The following PPP1R1C variants were observed in gnomAD, a reference collection of about 807,000 sequenced individuals.
PPP1R1C encodes protein phosphatase 1 regulatory inhibitor subunit 1C, also known as protein phosphatase 1 regulatory subunit 1C.
Under a neutral mutation model 17.4 loss-of-function variants are expected in PPP1R1C, and 15 were observed. That is an observed-to-expected ratio of 0.86 (90% CI 0.58 to 1.33). The LOEUF is 1.33. Among genes scored for constraint, PPP1R1C ranks in the 40% most tolerant of loss-of-function variants. The pLI, the probability that PPP1R1C is intolerant of heterozygous loss-of-function variation, is 0.00. For missense variants in PPP1R1C, 143 were observed against 130.0 expected (o/e 1.10, Z -0.48); for synonymous variants, 35 against 43.1 (o/e 0.81, Z 0.73).
chr2:181,995,928 G>A (rs1685600209), intron 2 of PPP1R1C, among the ~76,000 whole-genome samples: 1 of 152,100 alleles, frequency 6.6e-6, no homozygotes, highest in Non-Finnish European at 1.5e-5. Flanking sequence ...AATGCCCCGG[G>A]ACCTGGGCAG....
downstream of PPP1R1C, among the ~76,000 whole-genome samples, chr2:182,121,159 C>T (rs1007171093): frequency 6.6e-6 from 1 of 152,070 alleles, no homozygotes; most frequent in Non-Finnish European, 1.5e-5. Context: ...TTTCCCAGAC[C>T]ACATTTATAA....
At chr2:181,963,889 A>G (rs906240446) in intron 1 of PPP1R1C, among the ~76,000 whole-genome samples, 15 of 152,156 alleles carry the variant, frequency 9.9e-5, no homozygotes, top group African/African-American at 3.6e-4. Context: ...CAGGCATACA[A>G]TGCATAATAA....
rs372316816 is a variant in PPP1R1C at position 181,961,350 on chromosome 2, G to A, written n.111+6716G>A. Reference sequence around the variant, plus strand: ...CATCAAGCAGGCGGTGGTAGGTGGCGCTCTCAGCCTCCAGCTTGACCTTGA... The same window carrying A: ...CATCAAGCAGGCGGTGGTAGGTGGCACTCTCAGCCTCCAGCTTGACCTTGA... On this transcript the variant is annotated intron_variant and non_coding_transcript_variant, in intron 1 of 5. Transcript: ENST00000464264. This position sits in a 1 kb window ranked among gnomAD's most constrained non-coding sequence, Gnocchi z 5.8. 5.9e-5 allele frequency: 42 copies of A among 716,476 alleles called. No individual in the cohort carries two copies. The Middle Eastern group carries it at 1.1e-3, about 19-fold the overall frequency. The allele number at this position is 716,476 out of a possible 1,614,324, so 44.4% of individuals were successfully genotyped here.
At chr2:182,030,462 A>G (rs1223867543) in intron 2 of PPP1R1C, among the ~76,000 whole-genome samples, 35 of 150,364 alleles carry the variant, frequency 2.3e-4, no homozygotes, top group South Asian at 4.3e-4. Flanking sequence ...GTCTGTTGGA[A>G]TACCCTGCCG....
intron 2 of PPP1R1C, among the ~76,000 whole-genome samples, chr2:182,026,549 G>T (rs1358483514): frequency 6.7e-6 from 1 of 150,330 alleles, no homozygotes; most frequent in African/African-American, 2.4e-5. Context: ...TGAGGGCTGT[G>T]TTCTGTTCCA....
chr2:182,110,080 A>G (rs1251154614), intron 4 of PPP1R1C, among the ~76,000 whole-genome samples: 1 of 151,420 alleles, frequency 6.6e-6, no homozygotes, highest in East Asian at 1.9e-4. Flanking sequence ...TCACAATAAT[A>G]CAGAGTATAC....
At chr2:182,010,925 G>A (rs541858639) in intron 2 of PPP1R1C, among the ~76,000 whole-genome samples, 9 of 152,004 alleles carry the variant, frequency 5.9e-5, no homozygotes, top group South Asian at 4.1e-4. Context: ...GTATCACATC[G>A]TTTGATTTGT....
At chr2:181,963,254 C>A (rs749330242) in intron 1 of PPP1R1C, among the ~76,000 whole-genome samples, 15 of 152,102 alleles carry the variant, frequency 9.9e-5, no homozygotes, top group Non-Finnish European at 1.9e-4. Context: ...TTTAAAAGAT[C>A]CAAAATGTTT....
chr2:182,058,870 T>G (rs913333598), intron 2 of PPP1R1C, among the ~76,000 whole-genome samples: 3 of 152,294 alleles, frequency 2.0e-5, no homozygotes, highest in Admixed American at 2.0e-4. Context: ...TAGTTCACTT[T>G]TCCTTATTTT....
intron 2 of PPP1R1C, among the ~76,000 whole-genome samples, chr2:181,991,543 A>G (rs1299104485): frequency 6.6e-6 from 1 of 152,234 alleles, no homozygotes; most frequent in Non-Finnish European, 1.5e-5. Flanking sequence ...TTTAGGGTAG[A>G]AAAAGCAGAA....
Position 181,987,869 on chromosome 2 carries a change from C to G in PPP1R1C, c.112C>G (p.Leu38Val), listed in dbSNP as rs765422388. ...IRKRRPTPAS[L>V]VILNEHNPPE... ...GAAAAGAAGACCTACACCAGCATCA[C>G]TTGTGATTCTCAATGAGCATAACCC... Residue 38 changes from leucine to valine, a missense_variant, in exon 2 of 5, where the codon CTT becomes GTT. Leu to Val is a conservative substitution (Grantham distance 32). Coordinates refer to ENST00000682840, the MANE Select transcript of PPP1R1C (RefSeq NM_001080545.3). 6.2e-7 allele frequency: 1 copy of G among 1,613,288 alleles called. No homozygotes were observed. Among genetic ancestry groups the G allele is most frequent in the East Asian group, 2.2e-5 (1 of 44,870 alleles).
intron 4 of PPP1R1C, among the ~76,000 whole-genome samples, chr2:182,113,484 A>G (rs1689497829): frequency 6.6e-6 from 1 of 152,148 alleles, no homozygotes; most frequent in Admixed American, 6.6e-5. Flanking sequence ...ACTAGGCAGC[A>G]TGTTGCAGGA....
chr2:181,986,773 T>G (rs577966960), intron 1 of PPP1R1C, among the ~76,000 whole-genome samples: 1 of 152,280 alleles, frequency 6.6e-6, no homozygotes, highest in South Asian at 2.1e-4. Flanking sequence ...TTTCCTAGAT[T>G]CTTTGTCCAT....
Position 182,046,523 on chromosome 2 carries a change from C to T in PPP1R1C, c.143-14919C>T, listed in dbSNP as rs962284866. 5.3e-5 allele frequency among the ~76,000 whole-genome samples: 8 copies of T among 150,072 alleles called. No homozygotes were observed. In the South Asian group the frequency reaches 8.4e-4, roughly 16 times the overall value. On this transcript the variant is annotated intron_variant, in intron 2 of 4. Coordinates refer to ENST00000682840, the MANE Select transcript of PPP1R1C (RefSeq NM_001080545.3). ...CAGGCAGATCACAAGGTCAAGAGAT[C>T]GAGACCTTCCTGGCCAACATGGTGA...
At chr2:182,066,542 T>C (rs1687988281) in intron 4 of PPP1R1C, among the ~76,000 whole-genome samples, 1 of 152,116 alleles carries the variant, frequency 6.6e-6, no homozygotes, top group African/African-American at 2.4e-5. Flanking sequence ...AATAGACTTA[T>C]TATATCAGGG....
At chr2:181,983,257 G>A (rs1458731436), upstream of PPP1R1C, among the ~76,000 whole-genome samples, 1 of 152,118 alleles carries the variant, frequency 6.6e-6, no homozygotes, top group Admixed American at 6.5e-5. Context: ...AAATTGCCCG[G>A]GTTTGAAACT....
intron 1 of PPP1R1C, among the ~76,000 whole-genome samples, chr2:181,964,417 A>ATAAT (rs1684869173): frequency 6.6e-6 from 1 of 152,218 alleles, no homozygotes; most frequent in Non-Finnish European, 1.5e-5. Flanking sequence ...GAATAGTGCT[A>ATAAT]CAATAAACAT....
chr2:181,983,147 C>T (rs890086778), upstream of PPP1R1C, among the ~76,000 whole-genome samples: 8 of 152,106 alleles, frequency 5.3e-5, no homozygotes, highest in Admixed American at 1.3e-4. Flanking sequence ...AACCTCTAAC[C>T]ACTGCGGAGA....
In PPP1R1C at chr2:182,029,196, C is replaced by G. The variant is rs375697729; in HGVS notation, c.143-32246C>G. 2.7e-5 allele frequency among the ~76,000 whole-genome samples: 4 copies of G among 148,914 alleles called. No homozygotes were observed. In the East Asian group the frequency reaches 8.0e-4, roughly 30 times the overall value. ...GCCAGTCTGTGTCTTTTAATTGGAG[C>G]ATTTAGTCCATTTACATTTAAAGTT... is the stretch of plus-strand genomic sequence containing the variant. On this transcript the variant is annotated intron_variant, in intron 2 of 4. Transcript: ENST00000682840.
Sources: allele counts gnomAD v4.1 joint callset (sites outside exome capture counted in the v4.1 genomes callset), GRCh38; gene constraint gnomAD v4.1.1; non-coding constraint Gnocchi (gnomAD v3.1); transcripts MANE v1.5; gene names NCBI Gene and HGNC (gene_info 2026-07-23, HGNC 2026-07-21).